SPOCK1: variants seen among roughly 807,000 people sequenced by gnomAD.
SPOCK1 encodes testican-1.
In SPOCK1, 23 loss-of-function variants were observed where a neutral mutation model predicts 55.3. That is an observed-to-expected ratio of 0.42 (90% confidence interval 0.30 to 0.59). The LOEUF (loss-of-function observed/expected upper bound fraction) is 0.59, where lower values mean the gene tolerates loss of function less well. Among genes scored for constraint, SPOCK1 ranks in the 20% least tolerant of loss-of-function variants. SPOCK1 has a pLI of 0.22. For missense variants in SPOCK1, 499 were observed against 552.5 expected (o/e 0.90, Z 0.97); for synonymous variants, 226 against 221.0 (o/e 1.02, Z -0.20).
chr5:137,444,986 C>T (rs1753092438), intron 2 of SPOCK1, among the ~76,000 whole-genome samples: 1 of 152,174 alleles, frequency 6.6e-6, no homozygotes, highest in African/African-American at 2.4e-5. Context: ...TTGTCCCTAG[C>T]TCAATCAACT....
At chr5:137,041,015 T>A (rs78293905) in intron 6 of SPOCK1, among the ~76,000 whole-genome samples, 28 of 152,158 alleles carry the variant, frequency 1.8e-4, no homozygotes, top group Admixed American at 5.2e-4. Context: ...TTTAAAAAAA[T>A]TTTTAATTAC....
At chr5:137,082,485 C>A (rs901124653) in intron 5 of SPOCK1, among the ~76,000 whole-genome samples, 1 of 152,124 alleles carries the variant, frequency 6.6e-6, no homozygotes, top group African/African-American at 2.4e-5. Flanking sequence ...GGGGTGAGAA[C>A]ACAAACCCTG....
intron 2 of SPOCK1, among the ~76,000 whole-genome samples, chr5:137,281,173 T>G (rs923637198): frequency 3.9e-5 from 6 of 152,172 alleles, no homozygotes; most frequent in Admixed American, 2.6e-4. Context: ...TTTAAAGCCC[T>G]CTGGGGTAGG....
chr5:137,473,888 T>C (rs1057165410), intron 2 of SPOCK1, among the ~76,000 whole-genome samples: 10 of 152,196 alleles, frequency 6.6e-5, no homozygotes, highest in Non-Finnish European at 1.3e-4. Flanking sequence ...GGTGTATATA[T>C]ACGATGGAAT....
intron 3 of SPOCK1, among the ~76,000 whole-genome samples, chr5:137,255,816 G>A (rs920647592): frequency 7.2e-5 from 11 of 152,248 alleles, no homozygotes; most frequent in African/African-American, 2.4e-4. Flanking sequence ...AGTGGCTCCA[G>A]TGGGCTCAGA....
At chr5:137,192,713 A>G (rs1012314766) in intron 3 of SPOCK1, among the ~76,000 whole-genome samples, 1 of 152,236 alleles carries the variant, frequency 6.6e-6, no homozygotes, top group South Asian at 2.1e-4. Flanking sequence ...TTCTGTACAC[A>G]ATAGACTATG....
intron 3 of SPOCK1, among the ~76,000 whole-genome samples, chr5:137,216,709 T>TA (rs34913713): frequency 0.18 from 26,289 of 150,190 alleles, 2,533 homozygotes; most frequent in South Asian, 0.27. Context: ...AGACTTCGTC[T>TA]AAAAAAAAAG....
intron 3 of SPOCK1, among the ~76,000 whole-genome samples, chr5:137,211,631 G>T (rs1162961536): frequency 1.3e-5 from 2 of 152,148 alleles, no homozygotes; most frequent in African/African-American, 2.4e-5. Flanking sequence ...TCAAGATGGG[G>T]ACTGGTCACC....
chr5:137,078,573 G>A (rs750041958), intron 5 of SPOCK1, among the ~76,000 whole-genome samples: 5 of 152,110 alleles, frequency 3.3e-5, no homozygotes, highest in South Asian at 4.1e-4. Context: ...CACCCAGGGC[G>A]CCACTGCTTA....
intron 2 of SPOCK1, among the ~76,000 whole-genome samples, chr5:137,299,419 A>C (rs1351995980): frequency 1.3e-5 from 2 of 151,994 alleles, no homozygotes; most frequent in African/African-American, 4.8e-5. Flanking sequence ...ACTGAGAAGA[A>C]AAATATATAC....
intron 3 of SPOCK1, among the ~76,000 whole-genome samples, chr5:137,252,468 G>A (rs911046776): frequency 6.6e-6 from 1 of 152,166 alleles, no homozygotes; most frequent in African/African-American, 2.4e-5. Context: ...AATATTGTAT[G>A]CAAAAGTTCC....
At position 137,026,142 on chromosome 5, in the gene SPOCK1, C is replaced by T. The variant is rs1468896090; in HGVS notation, c.590-33542G>A. Among the ~76,000 whole-genome samples the T allele has an allele frequency of 3.9e-5, 6 of 152,190 alleles. No individual in the cohort carries two copies. In the East Asian group the frequency reaches 9.6e-4, roughly 24 times the overall value. The stretch of plus-strand genomic sequence containing the variant: ...GAGGAGGACCAGGCTAGAGAAAGAA[C>T]CAGACAAATAAAAACATTGGCTCAG... On this transcript the variant is annotated intron_variant, in intron 6 of 10. Coordinates refer to ENST00000394945, the MANE Select transcript of SPOCK1 (RefSeq NM_004598.4).
intron 2 of SPOCK1, among the ~76,000 whole-genome samples, chr5:137,291,793 C>A (rs1382094415): frequency 6.6e-6 from 1 of 152,214 alleles, no homozygotes; most frequent in East Asian, 1.9e-4. Context: ...AAGGTCCAGG[C>A]ATGGCTGACC....
At chr5:137,224,127 CTGTT>C (rs1755906171) in intron 3 of SPOCK1, among the ~76,000 whole-genome samples, 1 of 152,200 alleles carries the variant, frequency 6.6e-6, no homozygotes, top group African/African-American at 2.4e-5. Context: ...TAGCTCAGCA[CTGTT>C]TGTTAAGTTC....
intron 3 of SPOCK1, among the ~76,000 whole-genome samples, chr5:137,146,007 G>A (rs1176253936): frequency 1.3e-5 from 2 of 152,236 alleles, no homozygotes; most frequent in African/African-American, 2.4e-5. Context: ...TGGGGAGCCA[G>A]GGCCTTTGAG....
rs59668593 is a variant in SPOCK1, at chr5:137,153,865, C to CAA, written c.233-13173_233-13172dup. Among the ~76,000 whole-genome samples the CAA allele has an allele frequency of 8.1e-3, 1,175 of 145,790 alleles. 12 individuals are homozygous for CAA. The highest frequency in any genetic ancestry group is 0.028 in the African/African-American group (1,087 of 39,248). On this transcript the variant is annotated intron_variant, in intron 3 of 10. Coordinates refer to ENST00000394945, the MANE Select transcript of SPOCK1 (RefSeq NM_004598.4). Reference sequence around the variant, plus strand: ...AGAGCAAGATTCTGTCTCAAAAAAACAAAAAAACAAAAAAAGAAGAAGAAG... The same window carrying CAA: ...AGAGCAAGATTCTGTCTCAAAAAAACAAAAAAAAACAAAAAAAGAAGAAGAAG...
intron 2 of SPOCK1, among the ~76,000 whole-genome samples, chr5:137,320,479 G>C (rs1390813579): frequency 1.3e-5 from 2 of 152,216 alleles, no homozygotes; most frequent in Non-Finnish European, 2.9e-5. Context: ...CTTTTCAAGG[G>C]CTGCTAGAAG....
intron 6 of SPOCK1, among the ~76,000 whole-genome samples, chr5:137,004,474 T>C (rs1411664367): frequency 6.6e-6 from 1 of 152,124 alleles, no homozygotes; most frequent in East Asian, 1.9e-4. Flanking sequence ...GAAAAGTAGC[T>C]GGCATTCAAG....
At chr5:137,211,158 A>T (rs1561472876) in intron 3 of SPOCK1, among the ~76,000 whole-genome samples, 1 of 152,220 alleles carries the variant, frequency 6.6e-6, no homozygotes, top group Non-Finnish European at 1.5e-5. Context: ...ACAGAGGTCC[A>T]GGGAGGTAAA....
Sources: gnomAD v4.1 joint callset for allele counts (sites outside exome capture counted in the v4.1 genomes callset) on GRCh38, gnomAD v4.1.1 for gene constraint, MANE v1.5 for transcripts, NCBI Gene and HGNC (gene_info 2026-07-23, HGNC 2026-07-21) for gene names.